Variants in OTUD7A observed in about 807,000 individuals in gnomAD.
The protein encoded by OTUD7A is OTU domain-containing protein 7A.
Under a neutral mutation model 65.7 loss-of-function variants are expected in OTUD7A, and 12 were observed. The observed-to-expected ratio is 0.18, with a 90% CI of 0.12 to 0.30. The LOEUF (loss-of-function observed/expected upper bound fraction) is 0.30. Ranked by LOEUF, OTUD7A falls within the 10% of genes least tolerant of loss-of-function variation. OTUD7A has a pLI of 1.00. For missense variants in OTUD7A, 1,148 were observed against 1,304.8 expected (o/e 0.88, Z 1.85); for synonymous variants, 641 against 586.3 (o/e 1.09, Z -1.35).
At chr15:31,647,079 C>T (rs1891696310) in intron 3 of OTUD7A, among the ~76,000 whole-genome samples, 2 of 152,120 alleles carry the variant, frequency 1.3e-5, no homozygotes, top group African/African-American at 2.4e-5. Flanking sequence ...TACGTCTGGT[C>T]TAACGGCAGA....
rs527782476 is a variant in OTUD7A at position 31,815,475 on chromosome 15, AC to A, written c.-100+55031del. Among the ~76,000 whole-genome samples the A allele has an allele frequency of 4.6e-3, 705 of 152,354 alleles. 2 individuals carry two copies. Among genetic ancestry groups the A allele is most frequent in the South Asian group, 7.9e-3 (38 of 4,834 alleles). The stretch of plus-strand genomic sequence containing the variant: ...CTGACTTACAGATGAACAAACATCT[AC>A]CCAGCAAGGAACGAGCTCAAGGTCA... On this transcript the variant is annotated intron_variant, in intron 1 of 12. Transcript: ENST00000307050.
intron 1 of OTUD7A, among the ~76,000 whole-genome samples, chr15:31,702,674 C>T (rs1296927327): frequency 1.3e-5 from 2 of 152,004 alleles, no homozygotes; most frequent in Non-Finnish European, 2.9e-5. Context: ...TGCCAATACT[C>T]CCCAAATTGA....
In OTUD7A at chr15:31,821,260, C is replaced by T. The variant is rs188550809; in HGVS notation, c.-100+49247G>A. ...AAGCGATTCTCCTGCTTCAGCCTCC[C>T]GAGTAGCTGGGACTACAGGCGTGTG... On this transcript the variant is annotated intron_variant, in intron 1 of 12. Transcript: ENST00000307050. Among the ~76,000 whole-genome samples, 154 of 150,378 alleles carry T rather than the reference C, an allele frequency of 1.0e-3. 1 individual carries two copies. The highest frequency in any genetic ancestry group is 3.4e-3 in the Middle Eastern group (1 of 290).
chr15:31,781,574 C>T (rs1181923141), intron 1 of OTUD7A, among the ~76,000 whole-genome samples: 1 of 152,194 alleles, frequency 6.6e-6, no homozygotes, highest in African/African-American at 2.4e-5. Flanking sequence ...AAAGGTAATG[C>T]ACACCCCAGG....
intron 1 of OTUD7A, among the ~76,000 whole-genome samples, chr15:31,669,129 A>T (rs1388400869): frequency 1.3e-5 from 2 of 152,198 alleles, no homozygotes; most frequent in Non-Finnish European, 2.9e-5. Context: ...ATGGTTGGCC[A>T]CCTGCCAGGA....
chr15:31,643,343 A>G (rs1385880618), intron 3 of OTUD7A, among the ~76,000 whole-genome samples: 2 of 151,586 alleles, frequency 1.3e-5, no homozygotes, highest in South Asian at 4.2e-4. Context: ...CATTTTGGAT[A>G]TTTTCCATTG....
chr15:31,687,472 A>G (rs1435021231), intron 1 of OTUD7A, among the ~76,000 whole-genome samples: 2 of 152,188 alleles, frequency 1.3e-5, no homozygotes, highest in Non-Finnish European at 2.9e-5. Flanking sequence ...ATAATAATTA[A>G]CAGCTACTGC....
chr15:31,646,522 G>A (rs2141267934), intron 3 of OTUD7A, among the ~76,000 whole-genome samples: 1 of 148,642 alleles, frequency 6.7e-6, no homozygotes, highest in East Asian at 2.0e-4. Context: ...GTACAATGGT[G>A]TGATCTTGGC....
chr15:31,848,189 A>C (rs1305023675), intron 1 of OTUD7A, among the ~76,000 whole-genome samples: 1 of 152,198 alleles, frequency 6.6e-6, no homozygotes, highest in Admixed American at 6.5e-5. Flanking sequence ...GGTGCTGAGC[A>C]AGGAAAGGCA....
At position 31,680,453 on chromosome 15, in the gene OTUD7A, T is replaced by A. The variant is rs2338935; in HGVS notation, c.-99-23376A>T. On this transcript the variant is annotated intron_variant, in intron 1 of 12. Transcript: ENST00000307050. The stretch of plus-strand genomic sequence containing the variant: ...TACCTGGACTACATTACAGGTGTCA[T>A]CATGAAAGTGTCTCTAAGATATTAA... Among the ~76,000 whole-genome samples the A allele has an allele frequency of 1.2e-4, 18 of 152,314 alleles. No homozygotes were observed. The East Asian group carries it at 3.1e-3, about 26-fold the overall frequency.
chr15:31,511,724 CTATATGTAACACACATA>C (rs1351379851), intron 8 of OTUD7A, among the ~76,000 whole-genome samples: 1 of 145,932 alleles, frequency 6.9e-6, no homozygotes, highest in Non-Finnish European at 1.5e-5. Context: ...ATATGTATAT[CTATATGTAACACACATA>C]TATATGTATA....
Position 31,518,366 on chromosome 15 carries a change from G to A in OTUD7A, c.893+7983C>T, listed in dbSNP as rs185339015. On this transcript the variant is annotated intron_variant, in intron 8 of 12. Coordinates refer to ENST00000307050, the MANE Select transcript of OTUD7A (RefSeq NM_001382637.1). ...CTTGTGCCTGTAGTCCCAGCTACTC[G>A]GGAGGCTGAGGCAGGATCATCGCTT... 9.2e-5 allele frequency among the ~76,000 whole-genome samples: 14 copies of A among 152,126 alleles called. 2 individuals are homozygous for A. Among genetic ancestry groups the A allele is most frequent in the African/African-American group, 2.9e-4 (12 of 41,500 alleles).
At chr15:31,486,655 C>T (rs1363938544) in intron 12 of OTUD7A, among the ~76,000 whole-genome samples, 1 of 152,228 alleles carries the variant, frequency 6.6e-6, no homozygotes, top group African/African-American at 2.4e-5. Flanking sequence ...CCCCTCTCCT[C>T]ACCTTCCTGC....
At chr15:31,518,790 G>A (rs2041898851) in intron 8 of OTUD7A, among the ~76,000 whole-genome samples, 1 of 152,234 alleles carries the variant, frequency 6.6e-6, no homozygotes, top group South Asian at 2.1e-4. Context: ...AGGCTCAAGG[G>A]GCTGAACCCA....
Position 31,526,311 on chromosome 15 carries a change from T to C in OTUD7A, c.893+38A>G, listed in dbSNP as rs151247901. On this transcript the variant is annotated intron_variant, in intron 8 of 12. Coordinates refer to ENST00000307050, the MANE Select transcript of OTUD7A (RefSeq NM_001382637.1). ...TGTGTAGCCCTGGGTGGCCTGGAGC[T>C]GGAGGTGACTTCTGGGGAGAGCAGG... 178 of 1,535,612 alleles carry C rather than the reference T, an allele frequency of 1.2e-4. 1 individual carries two copies. In the East Asian group the frequency reaches 3.1e-3, roughly 26 times the overall value.
intron 1 of OTUD7A, among the ~76,000 whole-genome samples, chr15:31,758,846 C>A (rs1894884823): frequency 6.6e-6 from 1 of 151,832 alleles, no homozygotes; most frequent in Non-Finnish European, 1.5e-5. Context: ...ACAAAAAAAA[C>A]TGGGGAGCTT....
intron 3 of OTUD7A, among the ~76,000 whole-genome samples, chr15:31,587,474 A>G (rs1156298429): frequency 1.3e-5 from 2 of 148,244 alleles, no homozygotes; most frequent in Non-Finnish European, 3.0e-5. Context: ...CGTCTCTACT[A>G]AAAAAAAAAT....
In OTUD7A at chr15:31,477,346, T is replaced by G. The variant is rs1285218369; in HGVS notation, c.*5948A>C. Reference sequence around the variant, plus strand: ...ATGGTCCAGGTCTACAGTGACCTCATGGAGTGATGGGAACCCACTACTGTG... The same window carrying G: ...ATGGTCCAGGTCTACAGTGACCTCAGGGAGTGATGGGAACCCACTACTGTG... On this transcript the variant is annotated 3_prime_UTR_variant, in exon 13 of 13. Transcript: ENST00000307050. 1 of 152,156 alleles carries G rather than the reference T, an allele frequency of 6.6e-6. No individual in the cohort carries two copies. The highest frequency in any genetic ancestry group is 2.4e-5 in the African/African-American group (1 of 41,352). The allele number at this position is 152,156 out of a possible 1,614,324, so 9.4% of individuals were successfully genotyped here.
At chr15:31,825,266 T>G (rs1457879609) in intron 1 of OTUD7A, among the ~76,000 whole-genome samples, 1 of 152,262 alleles carries the variant, frequency 6.6e-6, no homozygotes, top group Non-Finnish European at 1.5e-5. Flanking sequence ...GAAAGAGGTT[T>G]AATTGGACTT....
Sources: gnomAD v4.1 joint callset for allele counts (sites outside exome capture counted in the v4.1 genomes callset) on GRCh38, gnomAD v4.1.1 for gene constraint, MANE v1.5 for transcripts, NCBI Gene and HGNC (gene_info 2026-07-23, HGNC 2026-07-21) for gene names.